Variants in SLC44A3 observed in about 807,000 individuals in gnomAD.
SLC44A3 encodes the protein solute carrier family 44 member 3.
Under a neutral mutation model 75.4 loss-of-function variants are expected in SLC44A3, and 74 were observed. The observed-to-expected ratio is 0.98, with a 90% CI of 0.81 to 1.19. SLC44A3 has a LOEUF of 1.19. Among genes scored for constraint, SLC44A3 ranks in the 50% most tolerant of loss-of-function variants. The pLI is 0.00. For missense variants in SLC44A3, 700 were observed against 778.6 expected, an observed-to-expected ratio of 0.90 and a Z score of 1.20; for synonymous variants, 310 against 296.9, an observed-to-expected ratio of 1.04 and a Z score of -0.45.
intron 12 of SLC44A3, among the ~76,000 whole-genome samples, chr1:94,876,509 A>T (rs1668302548): frequency 6.6e-6 from 1 of 152,150 alleles, no homozygotes; most frequent in Non-Finnish European, 1.5e-5. Context: ...TTGTTGAGAG[A>T]AGGAAGTGAT....
At chr1:94,890,061 G>A (rs1670039445) in intron 12 of SLC44A3, among the ~76,000 whole-genome samples, 1 of 152,070 alleles carries the variant, frequency 6.6e-6, no homozygotes, top group Non-Finnish European at 1.5e-5. Flanking sequence ...TGTTGCTCAG[G>A]CTGGTCTTGA....
chr1:94,894,108 C>T (rs934205137), intron 14 of SLC44A3, among the ~76,000 whole-genome samples: 2 of 151,794 alleles, frequency 1.3e-5, no homozygotes, highest in Non-Finnish European at 1.5e-5. Flanking sequence ...CACCTCCCCC[C>T]CAAAAAAAAT....
At chr1:94,880,320 A>C (rs981989951) in intron 12 of SLC44A3, among the ~76,000 whole-genome samples, 1 of 152,228 alleles carries the variant, frequency 6.6e-6, no homozygotes, top group African/African-American at 2.4e-5. Context: ...ATAGTCATAC[A>C]GTAGAATATT....
At chr1:94,845,959 C>T (rs1010451713) in intron 9 of SLC44A3, among the ~76,000 whole-genome samples, 1 of 151,992 alleles carries the variant, frequency 6.6e-6, no homozygotes, top group Non-Finnish European at 1.5e-5. Context: ...CCAGCCTGAC[C>T]AACATGGTGA....
intron 9 of SLC44A3, chr1:94,855,348 C>T (rs1481953756): frequency 6.6e-6 from 1 of 152,224 alleles, no homozygotes; most frequent in African/African-American, 2.4e-5. Context: ...CATAATCTGT[C>T]GCTGATACTG....
intron 1 of SLC44A3, 148 bp from the exon 2 acceptor site, chr1:94,820,801 A>G: frequency 1.5e-6 from 2 of 1,321,186 alleles, no homozygotes; most frequent in South Asian, 3.5e-5. Flanking sequence ...AAAGAGCTTC[A>G]GGTGGCCACG....
At chr1:94,856,131 C>A (rs1665839963) in intron 9 of SLC44A3, among the ~76,000 whole-genome samples, 1 of 152,122 alleles carries the variant, frequency 6.6e-6, no homozygotes, top group Non-Finnish European at 1.5e-5. Flanking sequence ...GTTACGGTGA[C>A]CTTGCTGGCC....
intron 12 of SLC44A3, 53 bp downstream of exon 12, chr1:94,867,470 T>G: frequency 6.8e-7 from 1 of 1,462,880 alleles, no homozygotes; most frequent in Non-Finnish European, 9.3e-7. Flanking sequence ...AAAGGTGGGC[T>G]TCATCTCTTA....
intron 9 of SLC44A3, among the ~76,000 whole-genome samples, chr1:94,847,409 C>G (rs906977884): frequency 3.3e-5 from 5 of 152,166 alleles, no homozygotes; most frequent in Non-Finnish European, 7.3e-5. Flanking sequence ...TCACAGGTGG[C>G]GCTTCCACCC....
chr1:94,822,441 A>G (rs1296746629), intron 2 of SLC44A3, among the ~76,000 whole-genome samples: 1 of 152,230 alleles, frequency 6.6e-6, no homozygotes, highest in African/African-American at 2.4e-5. Context: ...GTCTTTTGCA[A>G]CATTTTTTAT....
intron 5 of SLC44A3, among the ~76,000 whole-genome samples, chr1:94,831,932 G>C (rs1662186150): frequency 6.6e-6 from 1 of 152,164 alleles, no homozygotes; most frequent in Non-Finnish European, 1.5e-5. Context: ...CCAGCACTTT[G>C]GAAGGGCGAG....
chr1:94,849,844 G>A (rs545921882), intron 9 of SLC44A3, among the ~76,000 whole-genome samples: 25 of 152,024 alleles, frequency 1.6e-4, no homozygotes, highest in East Asian at 3.9e-4. Flanking sequence ...TCAACCTCCC[G>A]GGCTCAAGCG....
intron 8 of SLC44A3, 151 bp from the exon 9 acceptor site, chr1:94,845,127 C>A: frequency 1.3e-6 from 1 of 759,724 alleles, no homozygotes; most frequent in East Asian, 2.7e-5. Flanking sequence ...TTAGTGTTTG[C>A]GAATGCATCT....
In SLC44A3 at chr1:94,892,534, T is replaced by C; in HGVS notation, c.1857+17T>C. ...GAATTTCTGGTAAGCAAACATTTCATTTCCAATTGCAATCTCCATGCTCGC... is the reference window on the plus strand; with the variant it reads ...GAATTTCTGGTAAGCAAACATTTCACTTCCAATTGCAATCTCCATGCTCGC... On this transcript the variant is annotated intron_variant, in intron 14 of 14. Coordinates refer to ENST00000271227, the MANE Select transcript of SLC44A3 (RefSeq NM_001114106.3). 1 of 1,609,896 alleles carries C rather than the reference T, an allele frequency of 6.2e-7. No individual in the cohort carries two copies. Among genetic ancestry groups the C allele is most frequent in the Non-Finnish European group, 8.5e-7 (1 of 1,176,552 alleles).
At chr1:94,853,924 G>A (rs995471124) in intron 9 of SLC44A3, among the ~76,000 whole-genome samples, 3 of 150,376 alleles carry the variant, frequency 2.0e-5, no homozygotes, top group African/African-American at 7.4e-5. Flanking sequence ...CATAATACCA[G>A]CATGGAGTAG....
At chr1:94,868,633 G>A (rs1316417941) in intron 12 of SLC44A3, among the ~76,000 whole-genome samples, 1 of 152,090 alleles carries the variant, frequency 6.6e-6, no homozygotes. Flanking sequence ...TATCCAGACG[G>A]CAACTTCATA....
chr1:94,828,603 T>C lies in SLC44A3; in HGVS notation c.509+17T>C, dbSNP rs1661699382. ...TCCTCCAAGGTAAAAGCTTCCATACTTTTTCCTTAACTCTAAACAAAAGTT... is the reference window on the plus strand; with the variant it reads ...TCCTCCAAGGTAAAAGCTTCCATACCTTTTCCTTAACTCTAAACAAAAGTT... On this transcript the variant is annotated intron_variant, in intron 5 of 14. Transcript: ENST00000271227. 4 of 1,610,276 alleles carry C rather than the reference T, an allele frequency of 2.5e-6. No individual in the cohort carries two copies. The African/African-American group carries it at 4.0e-5, about 16-fold the overall frequency.
At chr1:94,872,682 A>G (rs7533589) in intron 12 of SLC44A3, among the ~76,000 whole-genome samples, 35,105 of 152,126 alleles carry the variant, frequency 0.23, 4,166 homozygotes, top group African/African-American at 0.29. Flanking sequence ...AAAGGGTTAG[A>G]TTCAGTGACC....
At chr1:94,826,761 C>T (rs1661408859) in intron 3 of SLC44A3, among the ~76,000 whole-genome samples, 1 of 152,130 alleles carries the variant, frequency 6.6e-6, no homozygotes, top group African/African-American at 2.4e-5. Context: ...TCCTGTTGCA[C>T]CACCTTTCTC....
Sources: allele counts gnomAD v4.1 joint callset (sites outside exome capture counted in the v4.1 genomes callset), GRCh38; gene constraint gnomAD v4.1.1; transcripts MANE v1.5; gene names NCBI Gene and HGNC (gene_info 2026-07-23, HGNC 2026-07-21).